Variants in SNTG2 observed in about 807,000 individuals in gnomAD.
The protein encoded by SNTG2 is gamma-2-syntrophin.
Under a neutral mutation model 70.9 loss-of-function variants are expected in SNTG2, and 74 were observed. That is an observed-to-expected ratio of 1.04 (90% confidence interval 0.86 to 1.27). The LOEUF is 1.27. SNTG2 is among the 50% of genes most tolerant of loss of function. SNTG2 has a pLI of 0.00. For missense variants in SNTG2, 717 were observed against 690.7 expected, an observed-to-expected ratio of 1.04 and a Z score of -0.43; for synonymous variants, 278 against 273.8, an observed-to-expected ratio of 1.02 and a Z score of -0.15.
chr2:1,324,469 C>T (rs1274645713), intron 16 of SNTG2, among the ~76,000 whole-genome samples: 1 of 151,994 alleles, frequency 6.6e-6, no homozygotes, highest in Non-Finnish European at 1.5e-5. Context: ...AAAAGAGAAC[C>T]TATTCTATTA....
chr2:1,009,030 T>C (rs12104941), intron 1 of SNTG2, among the ~76,000 whole-genome samples: 44,070 of 150,876 alleles, frequency 0.29, 6,926 homozygotes, highest in Admixed American at 0.42. Flanking sequence ...GCACCTTTTT[T>C]TAGAGCACCT....
At chr2:1,191,510 T>C (rs551938520) in intron 8 of SNTG2, among the ~76,000 whole-genome samples, 1 of 152,240 alleles carries the variant, frequency 6.6e-6, no homozygotes, top group East Asian at 1.9e-4. Context: ...ATGTTCTAAT[T>C]TGTGGCTGGG....
intron 1 of SNTG2, among the ~76,000 whole-genome samples, chr2:966,164 T>A (rs1041368346): frequency 6.6e-6 from 1 of 152,266 alleles, no homozygotes; most frequent in African/African-American, 2.4e-5. Flanking sequence ...CTCCCTTCTC[T>A]GTGCCACATT....
In SNTG2 at chr2:1,317,612, G is replaced by A. The variant is rs1484197958; in HGVS notation, c.1488+1237G>A. Among the ~76,000 whole-genome samples, 340 of 87,408 alleles carry A rather than the reference G, an allele frequency of 3.9e-3. 1 individual carries two copies. Among genetic ancestry groups the A allele is most frequent in the Middle Eastern group, 7.2e-3 (1 of 138 alleles). 57.3% of individuals were successfully genotyped at this position (87,408 alleles called of 152,430 possible). ...CATTGGAGAAGGTTGGGATTCTGGA[G>A]CATTTAGCATCAGGTCAGCATTGGA... On this transcript the variant is annotated intron_variant, in intron 16 of 16. Coordinates refer to ENST00000308624, the MANE Select transcript of SNTG2 (RefSeq NM_018968.4).
intron 9 of SNTG2, among the ~76,000 whole-genome samples, chr2:1,222,530 T>A (rs372040433): frequency 1.7e-4 from 21 of 120,510 alleles, no homozygotes; most frequent in Admixed American, 1.6e-3. Flanking sequence ...TGCCTGCTGC[T>A]GGAGGTGCTG....
At chr2:1,134,841 C>A (rs1050463612) in intron 4 of SNTG2, among the ~76,000 whole-genome samples, 3 of 152,136 alleles carry the variant, frequency 2.0e-5, no homozygotes, top group South Asian at 4.1e-4. Flanking sequence ...TCAGGCATGG[C>A]GGGCTGCAGG....
intron 4 of SNTG2, among the ~76,000 whole-genome samples, chr2:1,133,114 T>C (rs1315180013): frequency 5.9e-5 from 9 of 152,204 alleles, no homozygotes; most frequent in Admixed American, 5.9e-4. Context: ...GGTTGTGATG[T>C]GGTTTAAATA....
intron 1 of SNTG2, among the ~76,000 whole-genome samples, chr2:990,263 G>A (rs948597613): frequency 6.6e-6 from 1 of 152,228 alleles, no homozygotes; most frequent in African/African-American, 2.4e-5. Context: ...AGGCCTTGCT[G>A]TGTACTTTGC....
chr2:1,270,139 A>G (rs539838463), intron 14 of SNTG2, among the ~76,000 whole-genome samples: 18 of 152,092 alleles, frequency 1.2e-4, no homozygotes, highest in Admixed American at 1.1e-3. Context: ...TGTTTCAGGA[A>G]CCCACCCTGC....
intron 1 of SNTG2, among the ~76,000 whole-genome samples, chr2:968,519 C>T (rs920371852): frequency 6.6e-6 from 1 of 151,740 alleles, no homozygotes; most frequent in South Asian, 2.1e-4. Context: ...TGCTTTTGGA[C>T]TTATTTTGGT....
intron 8 of SNTG2, among the ~76,000 whole-genome samples, chr2:1,201,772 CAAAT>C (rs1221149297): frequency 2.6e-5 from 4 of 151,716 alleles, no homozygotes; most frequent in African/African-American, 4.8e-5. Context: ...ATGGGCAAAA[CAAAT>C]AAAAGTAAAT....
At chr2:1,050,595 T>G (rs923222158) in intron 1 of SNTG2, among the ~76,000 whole-genome samples, 11 of 152,216 alleles carry the variant, frequency 7.2e-5, no homozygotes, top group Non-Finnish European at 1.5e-4. Context: ...TCTGGCAATA[T>G]GAATCTTAAA....
chr2:1,001,952 T>TAAAG (rs1659408552), intron 1 of SNTG2, among the ~76,000 whole-genome samples: 1 of 151,952 alleles, frequency 6.6e-6, no homozygotes, highest in Non-Finnish European at 1.5e-5. Flanking sequence ...AACCCAGACA[T>TAAAG]AAAGCCACAT....
intron 6 of SNTG2, chr2:1,163,601 C>T (rs2147854396): frequency 6.6e-6 from 1 of 152,458 alleles, no homozygotes; most frequent in East Asian, 1.9e-4. Flanking sequence ...CACAGGGTCA[C>T]CAGCCACATG....
chr2:1,355,408 C>G (rs1660797112), intron 16 of SNTG2, among the ~76,000 whole-genome samples: 1 of 152,188 alleles, frequency 6.6e-6, no homozygotes, highest in Non-Finnish European at 1.5e-5. Context: ...GAGATTGACC[C>G]TGTTAGATTC....
At chr2:1,244,130 CG>C (rs111819425) in intron 11 of SNTG2, among the ~76,000 whole-genome samples, 14,989 of 152,258 alleles carry the variant, frequency 0.098, 828 homozygotes, top group South Asian at 0.15. Flanking sequence ...CTCTCTACCC[CG>C]TATGAATCTA....
intron 6 of SNTG2, 123 bp from the exon 7 acceptor site, chr2:1,165,425 T>G: frequency 1.1e-6 from 1 of 935,492 alleles, no homozygotes; most frequent in East Asian, 2.6e-5. Flanking sequence ...GTTTTCCGTG[T>G]TTCAGAGGTA....
At chr2:1,071,121 C>G (rs977786298) in intron 1 of SNTG2, among the ~76,000 whole-genome samples, 1 of 152,192 alleles carries the variant, frequency 6.6e-6, no homozygotes, top group Non-Finnish European at 1.5e-5. Context: ...CATTGTCTCA[C>G]TTCTACCTTA....
chr2:1,145,247 T>G (rs7601399), intron 6 of SNTG2, among the ~76,000 whole-genome samples: 3 of 151,474 alleles, frequency 2.0e-5, no homozygotes, highest in African/African-American at 7.3e-5. Flanking sequence ...TGATGAAAAT[T>G]AGAGAAGAAA....
Sources: allele counts gnomAD v4.1 joint callset (sites outside exome capture counted in the v4.1 genomes callset), GRCh38; gene constraint gnomAD v4.1.1; transcripts MANE v1.5; gene names NCBI Gene and HGNC (gene_info 2026-07-23, HGNC 2026-07-21).